The following THSD4 variants were observed in gnomAD, a reference collection of about 807,000 sequenced individuals.
THSD4 encodes the protein thrombospondin type 1 domain containing 4.
Under a neutral mutation model 119.0 loss-of-function variants are expected in THSD4, and 69 were observed. The observed-to-expected ratio is 0.58, with a 90% CI of 0.48 to 0.71. THSD4 has a LOEUF of 0.71. THSD4 is among the 30% of genes least tolerant of loss of function. The pLI, the probability that THSD4 is intolerant of heterozygous loss-of-function variation, is 0.00. For missense variants in THSD4, 1,393 were observed against 1,391.1 expected (o/e 1.00, Z -0.02); for synonymous variants, 524 against 540.4 (o/e 0.97, Z 0.42).
intron 7 of THSD4, among the ~76,000 whole-genome samples, chr15:71,635,008 C>A (rs962135285): frequency 1.3e-5 from 2 of 152,150 alleles, no homozygotes; most frequent in Non-Finnish European, 2.9e-5. Context: ...CCATTAAGAC[C>A]GTCAGATATT....
chr15:71,396,064 A>G (rs1490866553), intron 6 of THSD4, among the ~76,000 whole-genome samples: 1 of 151,896 alleles, frequency 6.6e-6, no homozygotes, highest in Non-Finnish European at 1.5e-5. Flanking sequence ...GTGTGCTTTT[A>G]TCGCTGTTGA....
At chr15:71,399,259 C>T (rs139923302) in intron 6 of THSD4, among the ~76,000 whole-genome samples, 364 of 152,228 alleles carry the variant, frequency 2.4e-3, no homozygotes, top group Admixed American at 4.7e-3. Flanking sequence ...CCTTGTCCTC[C>T]GTAGGCAAGG....
At chr15:71,748,384 C>T in intron 13 of THSD4, 37 bp from the exon 14 acceptor site, 3 of 1,610,268 alleles carry the variant, frequency 1.9e-6, no homozygotes, top group Non-Finnish European at 2.5e-6. Flanking sequence ...AGAGCTGAAG[C>T]TGCTGGTTCC....
At chr15:71,290,356 C>T (rs2044773345) in intron 6 of THSD4, among the ~76,000 whole-genome samples, 1 of 152,138 alleles carries the variant, frequency 6.6e-6, no homozygotes, top group East Asian at 1.9e-4. Context: ...TGCAACAGAC[C>T]AAGAGAGCAC....
At chr15:71,643,263 AT>A (rs759870963) in intron 7 of THSD4, among the ~76,000 whole-genome samples, 2 of 152,268 alleles carry the variant, frequency 1.3e-5, no homozygotes, top group East Asian at 1.9e-4. Context: ...CATAAAACAA[AT>A]TTTTTAAAAC....
chr15:71,709,398 A>T lies in THSD4; in HGVS notation c.1358-19151A>T, dbSNP rs369681313. Among the ~76,000 whole-genome samples, 321 of 152,306 alleles carry T rather than the reference A, an allele frequency of 2.1e-3. 1 individual carries two copies. Among genetic ancestry groups the T allele is most frequent in the African/African-American group, 7.5e-3 (310 of 41,566 alleles). Reference sequence around the variant, plus strand: ...GTTTTTATCATGTAGGTGGGGTTCCATGGAAAGCTGAGCTGCAGCAATTGA... The same window carrying T: ...GTTTTTATCATGTAGGTGGGGTTCCTTGGAAAGCTGAGCTGCAGCAATTGA... On this transcript the variant is annotated intron_variant, in intron 8 of 17. Transcript: ENST00000261862.
Position 71,534,111 on chromosome 15 carries a change from G to T in THSD4, c.1152+122288G>T, listed in dbSNP as rs987280549. 5.9e-5 allele frequency among the ~76,000 whole-genome samples: 9 copies of T among 152,176 alleles called. No individual in the cohort carries two copies. In the East Asian group the frequency reaches 1.5e-3, roughly 26 times the overall value. On this transcript the variant is annotated intron_variant, in intron 7 of 17. Transcript: ENST00000261862. ...ACTGCAGGTGCACACAACACACTTG[G>T]CTAGCTTTTCAATTTTGTTGTAGAG...
chr15:71,384,985 C>T (rs998606232), intron 6 of THSD4, among the ~76,000 whole-genome samples: 3 of 152,158 alleles, frequency 2.0e-5, no homozygotes, highest in Non-Finnish European at 4.4e-5. Context: ...GGATAGGACA[C>T]AAAATCCCTG....
intron 7 of THSD4, among the ~76,000 whole-genome samples, chr15:71,506,231 C>T (rs1395527194): frequency 6.6e-6 from 1 of 152,098 alleles, no homozygotes; most frequent in Non-Finnish European, 1.5e-5. Flanking sequence ...TATCTTTTGC[C>T]TCCAGGTTTG....
intron 6 of THSD4, among the ~76,000 whole-genome samples, chr15:71,358,263 T>C (rs757100576): frequency 4.0e-5 from 6 of 151,866 alleles, no homozygotes; most frequent in East Asian, 1.9e-4. Flanking sequence ...CCCTGGCCTC[T>C]TTTTTTGATG....
intron 6 of THSD4, among the ~76,000 whole-genome samples, chr15:71,369,079 CTCTG>C (rs1257708611): frequency 1.3e-5 from 2 of 151,788 alleles, no homozygotes; most frequent in African/African-American, 2.4e-5. Flanking sequence ...TGATTTGGCT[CTCTG>C]TCTGTTATTG....
intron 7 of THSD4, among the ~76,000 whole-genome samples, chr15:71,433,470 G>GGTTT (rs954944962): frequency 9.4e-6 from 1 of 106,924 alleles, no homozygotes; most frequent in Non-Finnish European, 2.0e-5. Context: ...TTTTTTTTTT[G>GGTTT]GTTTGTTTGT....
At position 71,532,283 on chromosome 15, in the gene THSD4, A is replaced by AGAGAGAGAGAGAGAGTGTGT. The variant is rs1379506089; in HGVS notation, c.1152+120461_1152+120462insAGAGAGAGAGAGAGTGTGTG. Among the ~76,000 whole-genome samples, 751 of 101,568 alleles carry AGAGAGAGAGAGAGAGTGTGT rather than the reference A, an allele frequency of 7.4e-3. 6 individuals carry two copies. Among genetic ancestry groups the AGAGAGAGAGAGAGAGTGTGT allele is most frequent in the Non-Finnish European group, 0.011 (539 of 47,918 alleles). 66.6% of individuals were successfully genotyped at this position (101,568 alleles called of 152,430 possible). On this transcript the variant is annotated intron_variant, in intron 7 of 17. Coordinates refer to ENST00000261862, the MANE Select transcript of THSD4 (RefSeq NM_024817.3). ...AAGGGTGAGAGAGAGAGAGAGAGAG[A>AGAGAGAGAGAGAGAGTGTGT]GTGTGTGTGTGTGTGTGTGTGTGTG... is the stretch of plus-strand genomic sequence containing the variant.
At chr15:71,602,214 C>T (rs565436040) in intron 7 of THSD4, among the ~76,000 whole-genome samples, 2 of 152,060 alleles carry the variant, frequency 1.3e-5, no homozygotes, top group African/African-American at 2.4e-5. Context: ...CTGTTAGCAA[C>T]TTATTATAGT....
chr15:71,612,747 CAG>C (rs1408088748), intron 7 of THSD4, among the ~76,000 whole-genome samples: 2 of 152,176 alleles, frequency 1.3e-5, no homozygotes, highest in African/African-American at 4.8e-5. Context: ...TATTTCCCAA[CAG>C]AGAGTCAATG....
chr15:71,438,214 A>G (rs1009931265), intron 7 of THSD4, among the ~76,000 whole-genome samples: 4 of 151,798 alleles, frequency 2.6e-5, no homozygotes, highest in African/African-American at 9.7e-5. Context: ...ACATTTTTCT[A>G]TTGGGTTGCT....
At chr15:71,177,751 G>A (rs1253398308) in intron 3 of THSD4, among the ~76,000 whole-genome samples, 2 of 124,556 alleles carry the variant, frequency 1.6e-5, no homozygotes, top group Admixed American at 1.7e-4. Context: ...TAAAATACTG[G>A]CAAACCGAAT....
At chr15:71,252,380 A>G (rs1184722823) in intron 5 of THSD4, among the ~76,000 whole-genome samples, 1 of 152,274 alleles carries the variant, frequency 6.6e-6, no homozygotes, top group Non-Finnish European at 1.5e-5. Context: ...ACATCCCGAT[A>G]ATAGTATGAG....
At chr15:71,112,510 C>T (rs908178431), upstream of THSD4, among the ~76,000 whole-genome samples, 13 of 152,264 alleles carry the variant, frequency 8.5e-5, no homozygotes, top group African/African-American at 2.4e-4. Flanking sequence ...GAATTTCTAA[C>T]AAAGAGCCTC....
Sources: allele counts gnomAD v4.1 joint callset (sites outside exome capture counted in the v4.1 genomes callset), GRCh38; gene constraint gnomAD v4.1.1; transcripts MANE v1.5; gene names NCBI Gene and HGNC (gene_info 2026-07-23, HGNC 2026-07-21).